Variants in PCCA observed in about 807,000 individuals in gnomAD.
The protein encoded by PCCA is propionyl-CoA carboxylase alpha chain, mitochondrial.
In PCCA, 74 loss-of-function variants were observed where a neutral mutation model predicts 101.3. That is an observed-to-expected ratio of 0.73 (90% CI 0.61 to 0.89). The LOEUF (loss-of-function observed/expected upper bound fraction) is 0.89, where lower values mean the gene tolerates loss of function less well. Ranked by LOEUF, PCCA falls within the 40% of genes least tolerant of loss-of-function variation. The probability of loss-of-function intolerance (pLI) is 0.00; values close to 1 mark genes in which losing one functional copy is unlikely to be tolerated. For missense variants in PCCA, 891 were observed against 907.0 expected (o/e 0.98, Z 0.23); for synonymous variants, 294 against 313.6 (o/e 0.94, Z 0.66).
At chr13:100,193,039 C>T (rs989517957) in intron 6 of PCCA, among the ~76,000 whole-genome samples, 1 of 152,062 alleles carries the variant, frequency 6.6e-6, no homozygotes, top group Non-Finnish European at 1.5e-5. Flanking sequence ...GATAGGACAC[C>T]GAGTAATAGA....
chr13:100,097,527 C>T (rs939370986), intron 1 of PCCA, among the ~76,000 whole-genome samples: 2 of 152,138 alleles, frequency 1.3e-5, no homozygotes, highest in African/African-American at 4.8e-5. Flanking sequence ...CGAGACCAGC[C>T]TGACCAACAT....
intron 16 of PCCA, 50 bp from the exon 17 acceptor site, chr13:100,330,511 A>G (rs757671521): frequency 1.8e-6 from 2 of 1,137,712 alleles, no homozygotes; most frequent in Non-Finnish European, 2.7e-6. Flanking sequence ...ATCAGAATTC[A>G]ATTTTTCACT....
chr13:100,443,917 T>C (rs961234478), intron 20 of PCCA, among the ~76,000 whole-genome samples: 5 of 152,088 alleles, frequency 3.3e-5, no homozygotes, highest in African/African-American at 1.2e-4. Flanking sequence ...GCCTCGTCCT[T>C]CCCCATTCTA....
intron 8 of PCCA, among the ~76,000 whole-genome samples, chr13:100,256,118 T>C (rs973471059): frequency 6.6e-6 from 1 of 152,052 alleles, no homozygotes; most frequent in African/African-American, 2.4e-5. Context: ...AGCGATTCTC[T>C]TGCCTCAGCC....
intron 19 of PCCA, among the ~76,000 whole-genome samples, chr13:100,393,417 CTTTTTTT>C (rs11459500): frequency 4.4e-5 from 5 of 113,700 alleles, no homozygotes; most frequent in Non-Finnish European, 7.0e-5. Context: ...ACTGAAGAGT[CTTTTTTT>C]TTTTTTTTTT....
intron 21 of PCCA, among the ~76,000 whole-genome samples, chr13:100,477,791 CCT>C (rs1566414214): frequency 6.6e-6 from 1 of 152,106 alleles, no homozygotes; most frequent in Non-Finnish European, 1.5e-5. Flanking sequence ...ACCCTTCACC[CCT>C]GAGTCCTGAT....
At chr13:100,112,738 G>A (rs1417997669) in intron 4 of PCCA, among the ~76,000 whole-genome samples, 1 of 151,926 alleles carries the variant, frequency 6.6e-6, no homozygotes, top group Non-Finnish European at 1.5e-5. Flanking sequence ...CATCATGCCT[G>A]GCTGATTTTT....
intron 12 of PCCA, among the ~76,000 whole-genome samples, chr13:100,291,763 TTTA>T (rs2065142734): frequency 6.6e-6 from 1 of 152,198 alleles, no homozygotes; most frequent in Admixed American, 6.5e-5. Context: ...TGAGCTAATT[TTTA>T]TTGACTACTT....
chr13:100,198,489 TTC>T (rs2152459412), intron 6 of PCCA: 1 of 152,104 alleles, frequency 6.6e-6, no homozygotes, highest in Non-Finnish European at 1.5e-5. Flanking sequence ...CATTCATTCA[TTC>T]ATTCATTCAT....
chr13:100,522,167 G>C (rs896598424), intron 22 of PCCA, among the ~76,000 whole-genome samples: 2 of 152,316 alleles, frequency 1.3e-5, no homozygotes, highest in East Asian at 3.9e-4. Flanking sequence ...ATTGGCCTGC[G>C]TAGAAGTGAC....
chr13:100,431,588 C>T (rs189126155), intron 20 of PCCA, among the ~76,000 whole-genome samples: 7 of 152,308 alleles, frequency 4.6e-5, no homozygotes, highest in Admixed American at 2.0e-4. Flanking sequence ...TTTTTGTACA[C>T]GGTATGAGTG....
chr13:100,259,373 C>T (rs541225641), intron 9 of PCCA, among the ~76,000 whole-genome samples: 32 of 125,950 alleles, frequency 2.5e-4, no homozygotes, highest in Non-Finnish European at 3.9e-4. Flanking sequence ...CTCTCTCTGT[C>T]GCCCAGGCTG....
At chr13:100,267,853 T>C (rs2063047649) in intron 10 of PCCA, among the ~76,000 whole-genome samples, 1 of 152,162 alleles carries the variant, frequency 6.6e-6, no homozygotes, top group Non-Finnish European at 1.5e-5. Flanking sequence ...AAAAAATTAT[T>C]CATTGTTTAT....
chr13:100,400,627 G>GTTTTTTTT lies in PCCA; in HGVS notation c.1747-25004_1747-25003insTTTTTTTT, dbSNP rs763331038. On this transcript the variant is annotated intron_variant, in intron 19 of 23. Transcript: ENST00000376285. Reference sequence around the variant, plus strand: ...TGATGATTGATCTTAGTTCTTTTTAGTTCTTTTTTTTTTTTTTTTTGAGAG... The same window carrying GTTTTTTTT: ...TGATGATTGATCTTAGTTCTTTTTAGTTTTTTTTTTCTTTTTTTTTTTTTTTTTGAGAG... Among the ~76,000 whole-genome samples, 536 of 80,012 alleles carry GTTTTTTTT rather than the reference G, an allele frequency of 6.7e-3. 50 individuals carry two copies. Among genetic ancestry groups the GTTTTTTTT allele is most frequent in the East Asian group, 0.023 (65 of 2,832 alleles). 52.5% of individuals were successfully genotyped at this position (80,012 alleles called of 152,430 possible).
rs2063430702 is a variant in PCCA, at chr13:100,273,312, A to G, written c.1031A>G (p.Asn344Ser). 1.2e-6 allele frequency: 2 copies of G among 1,613,242 alleles called. No homozygotes were observed. Among genetic ancestry groups the G allele is most frequent in the Admixed American group, 1.7e-5 (1 of 60,030 alleles). ...TVEFLVDSKK[N>S]FYFLEMNTRL... ...GAGTTCCTTGTGGACTCTAAGAAGA[A>G]TTTTTATTTCTTGGAAATGAATACA... Residue 344 changes from asparagine to serine, a missense_variant, in exon 12 of 24, where the codon AAT becomes AGT. By Grantham distance (46) the Asn-to-Ser change is conservative (BLOSUM62 1). Coordinates refer to ENST00000376285, the MANE Select transcript of PCCA (RefSeq NM_000282.4).
At chr13:100,377,039 C>A (rs1471490441) in intron 19 of PCCA, among the ~76,000 whole-genome samples, 2 of 152,194 alleles carry the variant, frequency 1.3e-5, no homozygotes, top group African/African-American at 4.8e-5. Flanking sequence ...CACAGTCCTT[C>A]ACGGCTTCCC....
chr13:100,385,525 CCACA>C (rs2076450597), intron 19 of PCCA, among the ~76,000 whole-genome samples: 1 of 152,182 alleles, frequency 6.6e-6, no homozygotes, highest in Non-Finnish European at 1.5e-5. Flanking sequence ...GTGCTAAAAG[CCACA>C]CACACATTCA....
intron 1 of PCCA, among the ~76,000 whole-genome samples, chr13:100,099,446 T>G (rs554933117): frequency 6.6e-6 from 1 of 151,528 alleles, no homozygotes; most frequent in Admixed American, 6.6e-5. Context: ...GTCTCCCGAG[T>G]AGCTGGGACT....
intron 21 of PCCA, among the ~76,000 whole-genome samples, chr13:100,471,209 T>C (rs955195402): frequency 6.6e-6 from 1 of 152,114 alleles, no homozygotes; most frequent in Non-Finnish European, 1.5e-5. Context: ...AGATGGGGGA[T>C]TGGCCAGATA....
Sources: allele counts gnomAD v4.1 joint callset (sites outside exome capture counted in the v4.1 genomes callset), GRCh38; gene constraint gnomAD v4.1.1; transcripts MANE v1.5; gene names NCBI Gene and HGNC (gene_info 2026-07-23, HGNC 2026-07-21).